PAK2: variants seen among roughly 807,000 people sequenced by gnomAD.
The protein encoded by PAK2 is p21 (RAC1) activated kinase 2, also known as serine/threonine-protein kinase PAK 2.
Under a neutral mutation model 65.9 loss-of-function variants are expected in PAK2, and 21 were observed. The ratio of observed to expected loss-of-function variants is 0.32; its 90% CI spans 0.23 to 0.46. The LOEUF is 0.46. Among genes scored for constraint, PAK2 ranks in the 20% least tolerant of loss-of-function variants. PAK2 has a pLI of 1.00. For missense variants in PAK2, 324 were observed against 642.6 expected (o/e 0.50, Z 5.36); for synonymous variants, 204 against 219.7 (o/e 0.93, Z 0.63).
chr3:196,821,107 C>T (rs1288382387), intron 13 of PAK2, among the ~76,000 whole-genome samples: 1 of 152,260 alleles, frequency 6.6e-6, no homozygotes, highest in African/African-American at 2.4e-5. Context: ...TCCCAAAGTG[C>T]TGGCATTACA....
intron 8 of PAK2, 144 bp from the exon 9 acceptor site, chr3:196,812,075 G>T (rs1051320412): frequency 5.7e-6 from 3 of 529,536 alleles, no homozygotes; most frequent in Non-Finnish European, 7.0e-6. Flanking sequence ...CTTTCCTCAG[G>T]TTTTTGCTTT....
At chr3:196,758,427 C>T (rs967620864) in intron 1 of PAK2, among the ~76,000 whole-genome samples, 2 of 152,164 alleles carry the variant, frequency 1.3e-5, no homozygotes, top group East Asian at 1.9e-4. Flanking sequence ...GGTTTTAGCA[C>T]GACACGTCCC....
chr3:196,789,482 C>T (rs4916547), intron 2 of PAK2, among the ~76,000 whole-genome samples: 2,280 of 150,528 alleles, frequency 0.015, 103 homozygotes, highest in Admixed American at 0.097. Flanking sequence ...TTTCTTTTTT[C>T]TTTTTTGTTT....
chr3:196,798,213 T>G (rs1293871632), intron 2 of PAK2, among the ~76,000 whole-genome samples: 1 of 152,172 alleles, frequency 6.6e-6, no homozygotes, highest in South Asian at 2.1e-4. Flanking sequence ...ATAGCCAGAC[T>G]GACAGGGGGC....
rs780977566 is a variant in PAK2 at position 196,800,581 on chromosome 3, CA to C, written c.188-1344del. On this transcript the variant is annotated intron_variant, in intron 2 of 14. Coordinates refer to ENST00000327134, the MANE Select transcript of PAK2 (RefSeq NM_002577.4). ...AAAGAAGACTTATGTGACATAGTTT[CA>C]ATGCGTATTACAAAATGGCAATAAA... 9.2e-5 allele frequency among the ~76,000 whole-genome samples: 14 copies of C among 152,206 alleles called. No individual in the cohort carries two copies. The East Asian group carries it at 2.7e-3, about 29-fold the overall frequency.
intron 5 of PAK2, 36 bp from the exon 6 acceptor site, chr3:196,806,543 G>A (rs748833465): frequency 2.3e-6 from 3 of 1,290,802 alleles, no homozygotes; most frequent in Non-Finnish European, 3.4e-6. Context: ...AAGCCTATTG[G>A]ACTTGTTTTC....
chr3:196,777,235 A>G (rs886717425), intron 1 of PAK2, among the ~76,000 whole-genome samples: 17 of 151,980 alleles, frequency 1.1e-4, no homozygotes, highest in African/African-American at 4.1e-4. Context: ...GCAGATTCTC[A>G]CTCTGTCACC....
chr3:196,745,127 T>C (rs905870175), intron 1 of PAK2, among the ~76,000 whole-genome samples: 2 of 151,328 alleles, frequency 1.3e-5, no homozygotes, highest in African/African-American at 4.9e-5. Context: ...ATCTTTTTTT[T>C]TTTTTTGTGA....
chr3:196,814,578 C>CAT lies in PAK2; in HGVS notation c.1053+10_1053+11insAT, dbSNP rs1342696967. On this transcript the variant is annotated intron_variant, in intron 11 of 14. Transcript: ENST00000327134. ...TGCTGTATGCAGAGAGGTAGGTTTGCCTCCTTCTTGATATGTTATGGTGAT... is the reference window on the plus strand; with the variant it reads ...TGCTGTATGCAGAGAGGTAGGTTTGCATCTCCTTCTTGATATGTTATGGTGAT... 1.8e-6 allele frequency: 2 copies of CAT among 1,086,700 alleles called. No homozygotes were observed. Among genetic ancestry groups the CAT allele is most frequent in the Non-Finnish European group, 2.8e-6 (2 of 706,338 alleles). The allele number at this position is 1,086,700 out of a possible 1,614,324, so 67.3% of individuals were successfully genotyped here. A position where few individuals can be genotyped will look rare whatever the true frequency, so the allele number is the denominator to read the frequency against.
At chr3:196,805,478 A>T in intron 5 of PAK2, 95 bp downstream of exon 5, 1 of 645,368 alleles carries the variant, frequency 1.5e-6, no homozygotes, top group Non-Finnish European at 2.7e-6. Context: ...AATAAATTAC[A>T]GCCATCAGAG....
chr3:196,775,529 CCCA>C (rs1411546466), intron 1 of PAK2, among the ~76,000 whole-genome samples: 1 of 151,918 alleles, frequency 6.6e-6, no homozygotes, highest in Non-Finnish European at 1.5e-5. Flanking sequence ...ACTACAGGCG[CCCA>C]CCACCACAAC....
At chr3:196,815,396 G>T (rs1436488397) in intron 11 of PAK2, among the ~76,000 whole-genome samples, 1 of 151,362 alleles carries the variant, frequency 6.6e-6, no homozygotes, top group Non-Finnish European at 1.5e-5. Context: ...CGAGGCTGAG[G>T]CGGGAGAATC....
At chr3:196,793,070 T>C (rs998839692) in intron 2 of PAK2, among the ~76,000 whole-genome samples, 2 of 152,148 alleles carry the variant, frequency 1.3e-5, no homozygotes, top group Non-Finnish European at 2.9e-5. Flanking sequence ...GCACTACACA[T>C]GCTGAGGAGA....
Position 196,794,663 on chromosome 3 carries a change from G to T in PAK2, c.188-7264G>T, listed in dbSNP as rs116786206. On this transcript the variant is annotated intron_variant, in intron 2 of 14. Transcript: ENST00000327134. ...ACAGCCAGAGGCAGAGGAGGGAGGC[G>T]GGATTACTGTTCCCAGCCTTGGAAA... 1.2e-3 allele frequency among the ~76,000 whole-genome samples: 183 copies of T among 152,322 alleles called. 1 individual carries two copies. The highest frequency in any genetic ancestry group is 4.3e-3 in the African/African-American group (179 of 41,564).
At chr3:196,821,931 G>A (rs993347806) in intron 13 of PAK2, among the ~76,000 whole-genome samples, 2 of 152,148 alleles carry the variant, frequency 1.3e-5, no homozygotes, top group African/African-American at 4.8e-5. Context: ...GTGAACAGTG[G>A]AATATTATTT....
Position 196,820,296 on chromosome 3 carries a change from T to C in PAK2, c.1154-75T>C. On this transcript the variant is annotated intron_variant, in intron 12 of 14. Transcript: ENST00000327134. The surrounding 1 kb of genome is among the most constrained non-coding windows in gnomAD (Gnocchi z 4.6). ...GCCTAATAGTCAAAATATAATTAATTACATAATCTGAAGTGAACTCTTCTG... is the reference window on the plus strand; with the variant it reads ...GCCTAATAGTCAAAATATAATTAATCACATAATCTGAAGTGAACTCTTCTG... 1.4e-6 allele frequency: 1 copy of C among 737,702 alleles called. No homozygotes were observed. Among genetic ancestry groups the C allele is most frequent in the South Asian group, 3.0e-5 (1 of 33,070 alleles). 45.7% of individuals were successfully genotyped at this position (737,702 alleles called of 1,614,324 possible). A position where few individuals can be genotyped will look rare whatever the true frequency, so the allele number is the denominator to read the frequency against.
chr3:196,784,217 T>G (rs970489741), intron 2 of PAK2, among the ~76,000 whole-genome samples: 2 of 129,254 alleles, frequency 1.5e-5, no homozygotes, highest in African/African-American at 5.4e-5. Context: ...TTTTAATTTT[T>G]TTTTTCTTTT....
intron 1 of PAK2, among the ~76,000 whole-genome samples, chr3:196,751,964 A>G (rs1193550729): frequency 6.6e-6 from 1 of 151,512 alleles, no homozygotes; most frequent in Admixed American, 6.6e-5. Flanking sequence ...GCTGGTCTTG[A>G]ACTCTTGACC....
At chr3:196,770,687 A>C (rs1033385928) in intron 1 of PAK2, among the ~76,000 whole-genome samples, 1 of 151,802 alleles carries the variant, frequency 6.6e-6, no homozygotes, top group Admixed American at 6.6e-5. Flanking sequence ...CAGTGGCACC[A>C]TCTCGGCTCA....
Sources: allele counts gnomAD v4.1 joint callset (sites outside exome capture counted in the v4.1 genomes callset), GRCh38; gene constraint gnomAD v4.1.1; non-coding constraint Gnocchi (gnomAD v3.1); transcripts MANE v1.5; gene names NCBI Gene and HGNC (gene_info 2026-07-23, HGNC 2026-07-21).